The following ERBB3 variants were observed in gnomAD, a reference collection of about 807,000 sequenced individuals.
ERBB3 encodes the protein erb-b2 receptor tyrosine kinase 3.
A neutral mutation model predicts 156.7 loss-of-function variants in ERBB3; 96 were observed. The observed-to-expected ratio is 0.61, with a 90% CI of 0.52 to 0.73. The LOEUF (loss-of-function observed/expected upper bound fraction) is 0.73, where lower values mean the gene tolerates loss of function less well. Ranked by LOEUF, ERBB3 falls within the 30% of genes least tolerant of loss-of-function variation. The pLI, the probability that ERBB3 is intolerant of heterozygous loss-of-function variation, is 0.00. For synonymous variants in ERBB3, 567 were observed against 632.0 expected (o/e 0.90, Z 1.54); for missense variants, 1,406 against 1,709.4 (o/e 0.82, Z 3.13).
chr12:56,100,064 C>G (rs781056272), intron 25 of ERBB3, 35 bp downstream of exon 25: 1 of 1,607,780 alleles, frequency 6.2e-7, no homozygotes, highest in Non-Finnish European at 8.5e-7. Context: ...CACTTTGCAC[C>G]CTGAGCCCTC....
intron 9 of ERBB3, among the ~76,000 whole-genome samples, chr12:56,092,082 G>GCACA (rs1868730183): frequency 7.5e-6 from 1 of 133,466 alleles, no homozygotes; most frequent in Non-Finnish European, 1.6e-5. Context: ...GTGAGACCCT[G>GCACA]TCTCTTAAAA....
At chr12:56,093,922 A>G in intron 13 of ERBB3, 26 bp downstream of exon 13, 1 of 846,152 alleles carries the variant, frequency 1.2e-6, no homozygotes, top group Non-Finnish European at 1.9e-6. Context: ...CCAGTCAAGG[A>G]TGGGTGGGGG....
At position 56,096,819 on chromosome 12, in the gene ERBB3, A is replaced by G; in HGVS notation, c.2247A>G (p.Gly749=). Residue 749 remains glycine (G), a synonymous_variant, in exon 19 of 28, where the codon GGA becomes GGG. Transcript: ENST00000267101. ...VCIKVIEDKS[G]RQSFQAVTDH... ...TTAAAGTCATTGAGGACAAGAGTGGACGGCAGAGTTTTCAAGCTGTGACAG... is the reference window on the plus strand; with the variant it reads ...TTAAAGTCATTGAGGACAAGAGTGGGCGGCAGAGTTTTCAAGCTGTGACAG... 1.2e-6 allele frequency: 2 copies of G among 1,613,834 alleles called. No individual in the cohort carries two copies. The highest frequency in any genetic ancestry group is 1.7e-6 in the Non-Finnish European group (2 of 1,179,748).
At chr12:56,101,030 T>C (rs1046236609) in intron 26 of ERBB3, 31 bp from the exon 27 acceptor site, 2 of 1,586,016 alleles carry the variant, frequency 1.3e-6, no homozygotes, top group South Asian at 1.1e-5. Flanking sequence ...TAAATTTCCT[T>C]GCATTATTTT....
At position 56,102,806 on chromosome 12, in the gene ERBB3, T is replaced by TAAAA. The variant is rs4016497; in HGVS notation, c.*776_*779dup. 3,232 of 55,656 alleles carry TAAAA rather than the reference T, an allele frequency of 0.058. 470 individuals are homozygous for TAAAA. Among genetic ancestry groups the TAAAA allele is most frequent in the Middle Eastern group, 0.12 (8 of 66 alleles). The allele number at this position is 55,656 out of a possible 1,614,324, so 3.4% of individuals were successfully genotyped here. ...CAACATAGTAAGACCCCCATCTCTTTAAAAAAAAAAAAAAAAAAAAAAAAA... is the reference window on the plus strand; with the variant it reads ...CAACATAGTAAGACCCCCATCTCTTTAAAAAAAAAAAAAAAAAAAAAAAAAAAAA... On this transcript the variant is annotated 3_prime_UTR_variant, in exon 28 of 28. Transcript: ENST00000267101.
intron 9 of ERBB3, among the ~76,000 whole-genome samples, chr12:56,090,077 G>A (rs1420626764): frequency 1.3e-5 from 2 of 150,404 alleles, no homozygotes; most frequent in Admixed American, 6.6e-5. Flanking sequence ...TGCAACCTCC[G>A]CCTCCTCTGC....
rs1468079057 is a variant in ERBB3 at position 56,097,041 on chromosome 12, T to C, written c.2275-4T>C. 1 of 1,613,920 alleles carries C rather than the reference T, an allele frequency of 6.2e-7. No homozygotes were observed. Among genetic ancestry groups the C allele is most frequent in the African/African-American group, 1.3e-5 (1 of 74,902 alleles). ...TCCTAGATAATACCTTTTGTGTCTC[T>C]TAGCATATGCTGGCCATTGGCAGCC... is the stretch of plus-strand genomic sequence containing the variant. On this transcript the variant is annotated splice_region_variant and splice_polypyrimidine_tract_variant and intron_variant, in intron 19 of 27. Coordinates refer to ENST00000267101, the MANE Select transcript of ERBB3 (RefSeq NM_001982.4).
chr12:56,101,854 T>C lies in ERBB3; in HGVS notation c.3828T>C (p.Tyr1276=), dbSNP rs1317583757. The C allele has an allele frequency of 6.2e-7, 1 of 1,613,356 alleles. No individual in the cohort carries two copies. The highest frequency in any genetic ancestry group is 8.5e-7 in the Non-Finnish European group (1 of 1,179,856). ...QRDGGGPGGD[Y]AAMGACPASE... The stretch of plus-strand genomic sequence containing the variant: ...ATGGAGGTGGTCCTGGGGGTGATTA[T>C]GCAGCCATGGGGGCCTGCCCAGCAT... Residue 1276 remains tyrosine, a synonymous_variant, in exon 28 of 28, where the codon TAT becomes TAC. Coordinates refer to ENST00000267101, the MANE Select transcript of ERBB3 (RefSeq NM_001982.4).
chr12:56,091,127 G>T (rs1868667189), intron 9 of ERBB3, among the ~76,000 whole-genome samples: 1 of 149,226 alleles, frequency 6.7e-6, no homozygotes, highest in South Asian at 2.1e-4. Context: ...TTTGAGACAA[G>T]GTCTGGCTCT....
At chr12:56,099,564 G>T in intron 23 of ERBB3, 84 bp from the exon 24 acceptor site, 1 of 1,178,302 alleles carries the variant, frequency 8.5e-7, no homozygotes, top group Non-Finnish European at 1.3e-6. Context: ...CTCCCAAAGT[G>T]CTGGGATTAT....
At chr12:56,098,600 T>C in intron 22 of ERBB3, 25 bp downstream of exon 22, 1 of 1,601,172 alleles carries the variant, frequency 6.2e-7, no homozygotes, top group Non-Finnish European at 8.6e-7. Context: ...ATGCCCTCTC[T>C]ACCATCACTG....
At position 56,093,905 on chromosome 12, in the gene ERBB3, A is replaced by C; in HGVS notation, c.1613+9A>C. The C allele has an allele frequency of 6.7e-7, 1 of 1,490,742 alleles. No homozygotes were observed. The highest frequency in any genetic ancestry group is 9.3e-7 in the Non-Finnish European group (1 of 1,071,034). The allele number at this position is 1,490,742 out of a possible 1,614,324, so 92.3% of individuals were successfully genotyped here. ...TGCAACTTTCTGAATGGGTACAGTA[A>C]GGGGAGCCAGTCAAGGATGGGTGGG... On this transcript the variant is annotated intron_variant, in intron 13 of 27. Transcript: ENST00000267101.
In ERBB3 at chr12:56,095,327, G is replaced by T; in HGVS notation, c.1913+17G>T. ...GCTGATCGGGTATGATGGGGTTGGA[G>T]ATTCTGGAAACTGGGGATATTTGGG... On this transcript the variant is annotated intron_variant, in intron 16 of 27. Transcript: ENST00000267101. 6.2e-7 allele frequency: 1 copy of T among 1,608,310 alleles called. No homozygotes were observed. Among genetic ancestry groups the T allele is most frequent in the Non-Finnish European group, 8.5e-7 (1 of 1,174,736 alleles).
In ERBB3 at chr12:56,096,462, A is replaced by G. The variant is rs779681658; in HGVS notation, c.2056-41A>G. 8.1e-5 allele frequency: 130 copies of G among 1,612,608 alleles called. 2 individuals are homozygous for G. The South Asian group carries it at 1.4e-3, about 17-fold the overall frequency. ...GGAGCGGGTTGGAGTGGGACATGGGAATGGCCTTTCCTGAGTAACTCCTTC... is the reference window on the plus strand; with the variant it reads ...GGAGCGGGTTGGAGTGGGACATGGGGATGGCCTTTCCTGAGTAACTCCTTC... On this transcript the variant is annotated intron_variant, in intron 17 of 27. Coordinates refer to ENST00000267101, the MANE Select transcript of ERBB3 (RefSeq NM_001982.4).
At position 56,097,487 on chromosome 12, in the gene ERBB3, G is replaced by A. The variant is rs186476586; in HGVS notation, c.2460+257G>A. Among the ~76,000 whole-genome samples, 167 of 152,264 alleles carry A rather than the reference G, an allele frequency of 1.1e-3. 1 individual carries two copies. Among genetic ancestry groups the A allele is most frequent in the African/African-American group, 3.9e-3 (164 of 41,546 alleles). On this transcript the variant is annotated intron_variant, in intron 20 of 27. Coordinates refer to ENST00000267101, the MANE Select transcript of ERBB3 (RefSeq NM_001982.4). ...AGTTCCGCCTCCTGTCAGATCAGGG[G>A]CAGCATTAGATTCTCTTAGGAGCTT...
intron 1 of ERBB3, chr12:56,083,475 T>G: frequency 2.1e-6 from 1 of 475,856 alleles, no homozygotes; most frequent in South Asian, 2.1e-5. Flanking sequence ...AGTTAACCCC[T>G]TAGTACCCAA....
chr12:56,099,879 T>G lies in ERBB3; in HGVS notation c.2979T>G (p.His993Gln), dbSNP rs111656432. The G allele has an allele frequency of 1.9e-6, 3 of 1,614,064 alleles. No homozygotes were observed. Among genetic ancestry groups the G allele is most frequent in the African/African-American group, 2.7e-5 (2 of 74,918 alleles). Residue 993 changes from histidine to glutamine, a missense_variant, in exon 25 of 28, where the codon CAT (histidine) becomes CAG (glutamine). His to Gln is a conservative substitution (Grantham distance 24). Transcript: ENST00000267101. ...GAATAGCCCCTGGGCCAGAGCCCCA[T>G]GGTCTGACAAACAAGAAGCTAGAGG... is the stretch of plus-strand genomic sequence containing the variant. ...GPGIAPGPEP[H>Q]GLTNKKLEEV...
chr12:56,099,879 T>A lies in ERBB3; in HGVS notation c.2979T>A (p.His993Gln). Residue 993 changes from histidine (H) to glutamine (Q), a missense_variant, in exon 25 of 28, where the codon CAT (histidine) becomes CAA (glutamine). His to Gln is a conservative substitution (Grantham distance 24, BLOSUM62 0). Around this residue, in one of 3 missense-constraint regions of ERBB3, gnomAD observed 415 missense variants for 454.1 expected, o/e 0.91. Coordinates refer to ENST00000267101, the MANE Select transcript of ERBB3 (RefSeq NM_001982.4). ...GAATAGCCCCTGGGCCAGAGCCCCA[T>A]GGTCTGACAAACAAGAAGCTAGAGG... ...GPGIAPGPEP[H>Q]GLTNKKLEEV... is the part of the protein sequence containing the mutation. 6.2e-7 allele frequency: 1 copy of A among 1,614,182 alleles called. No homozygotes were observed. Among genetic ancestry groups the A allele is most frequent in the Non-Finnish European group, 8.5e-7 (1 of 1,180,034 alleles).
At chr12:56,098,288 T>C (rs1868959733) in intron 21 of ERBB3, 1 of 586,690 alleles carries the variant, frequency 1.7e-6, no homozygotes. Context: ...GGCATGCATC[T>C]GTACTCCCAG....
Sources: gnomAD v4.1 joint callset for allele counts (sites outside exome capture counted in the v4.1 genomes callset) on GRCh38, gnomAD v4.1.1 for gene constraint, gnomAD v4.1.1 regional missense constraint, MANE v1.5 for transcripts, NCBI Gene and HGNC (gene_info 2026-07-23, HGNC 2026-07-21) for gene names.